The following NRCAM variants were observed in gnomAD, a reference collection of about 807,000 sequenced individuals.
NRCAM encodes neuronal cell adhesion molecule.
Under a neutral mutation model 156.5 loss-of-function variants are expected in NRCAM, and 83 were observed. The observed-to-expected ratio is 0.53, with a 90% CI of 0.44 to 0.64. NRCAM has a LOEUF of 0.64. Among genes scored for constraint, NRCAM ranks in the 30% least tolerant of loss-of-function variants. The pLI, the probability that NRCAM is intolerant of heterozygous loss-of-function variation, is 0.00. For missense variants in NRCAM, 1,417 were observed against 1,597.3 expected, an observed-to-expected ratio of 0.89 and a Z score of 1.92; for synonymous variants, 538 against 563.9, an observed-to-expected ratio of 0.95 and a Z score of 0.65.
chr7:108,187,029 T>A (rs1018820913), intron 20 of NRCAM, among the ~76,000 whole-genome samples: 1 of 128,008 alleles, frequency 7.8e-6, no homozygotes, highest in Non-Finnish European at 1.7e-5. Flanking sequence ...AAGTTAAAAC[T>A]TTAAAATTAT....
At chr7:108,215,911 T>C (rs1414718035) in intron 11 of NRCAM, among the ~76,000 whole-genome samples, 3 of 152,336 alleles carry the variant, frequency 2.0e-5, no homozygotes, top group East Asian at 3.9e-4. Flanking sequence ...GCCCTTTACA[T>C]TTAAGGTTAA....
At chr7:108,243,038 AG>A (rs1489539924) in intron 3 of NRCAM, 1 of 152,230 alleles carries the variant, frequency 6.6e-6, no homozygotes, top group African/African-American at 2.4e-5. Flanking sequence ...AAAAATTGAA[AG>A]CACTTACTTA....
intron 1 of NRCAM, among the ~76,000 whole-genome samples, chr7:108,415,511 G>T (rs372469583): frequency 9.9e-5 from 15 of 152,184 alleles, no homozygotes; most frequent in African/African-American, 3.6e-4. Flanking sequence ...GGCATGGCAG[G>T]AAAGAAGCAT....
intron 3 of NRCAM, among the ~76,000 whole-genome samples, chr7:108,255,834 G>A (rs1173543029): frequency 1.3e-5 from 2 of 151,930 alleles, no homozygotes; most frequent in Non-Finnish European, 2.9e-5. Flanking sequence ...TCTGAGAAGT[G>A]AGGAGCCCCT....
chr7:108,425,404 A>G (rs1230307626), intron 1 of NRCAM, among the ~76,000 whole-genome samples: 9 of 152,210 alleles, frequency 5.9e-5, no homozygotes, highest in Non-Finnish European at 1.3e-4. Context: ...ATGACTCTGC[A>G]AAGTGGGAAT....
intron 2 of NRCAM, among the ~76,000 whole-genome samples, chr7:108,378,690 A>ACACACACACACACAC (rs2099687482): frequency 1.1e-5 from 1 of 94,838 alleles, no homozygotes; most frequent in Non-Finnish European, 2.5e-5. Flanking sequence ...CACACACACA[A>ACACACACACACACAC]ACTCCAAGAC....
intron 2 of NRCAM, among the ~76,000 whole-genome samples, chr7:108,317,661 G>A (rs1479959732): frequency 6.6e-6 from 1 of 152,150 alleles, no homozygotes; most frequent in Admixed American, 6.6e-5. Context: ...TGTAATCCTA[G>A]CACTTTGGGA....
chr7:108,159,522 G>T lies in NRCAM; in HGVS notation c.3618C>A (p.Ala1206=). The change falls in exon 32 of 33, where the codon GCC becomes GCA. Residue 1206 remains alanine, a synonymous_variant. Transcript: ENST00000379028. ...TAGGCTGGATTTCAGGGTCAGCATG[G>T]GCATCTTCCTTTTCTTTAACTAAAA... ...GKYPVKEKED[A]HADPEIQPMK... 6.2e-7 allele frequency: 1 copy of T among 1,613,168 alleles called. No homozygotes were observed. Among genetic ancestry groups the T allele is most frequent in the Non-Finnish European group, 8.5e-7 (1 of 1,179,380 alleles).
intron 3 of NRCAM, among the ~76,000 whole-genome samples, chr7:108,282,884 G>A (rs1057236934): frequency 7.9e-5 from 12 of 152,190 alleles, no homozygotes; most frequent in African/African-American, 1.4e-4. Context: ...GCCGCCTGGG[G>A]AGATTTGAAG....
At chr7:108,368,241 C>CCCG (rs2099606092) in intron 2 of NRCAM, among the ~76,000 whole-genome samples, 4 of 134,264 alleles carry the variant, frequency 3.0e-5, no homozygotes, top group African/African-American at 1.1e-4. Flanking sequence ...CCCACCCCCC[C>CCCG]GCCTGCTCAC....
intron 11 of NRCAM, 115 bp downstream of exon 11, chr7:108,223,610 G>T: frequency 4.1e-6 from 2 of 486,994 alleles, no homozygotes; most frequent in Non-Finnish European, 7.2e-6. Context: ...TTTTCTTGAT[G>T]CTTGCTAGAA....
intron 2 of NRCAM, among the ~76,000 whole-genome samples, chr7:108,350,478 T>C (rs541560761): frequency 1.3e-5 from 2 of 152,240 alleles, no homozygotes; most frequent in Non-Finnish European, 2.9e-5. Context: ...AATGGCAGTT[T>C]GTATATAAAT....
chr7:108,446,128 C>G (rs1296335696), intron 1 of NRCAM, among the ~76,000 whole-genome samples: 3 of 152,278 alleles, frequency 2.0e-5, no homozygotes, highest in Non-Finnish European at 2.9e-5. Flanking sequence ...CTGGAATCAT[C>G]TGCCATTAGC....
rs1218282842 is a variant in NRCAM at position 108,338,339 on chromosome 7, CTT to C, written c.-173-25610_-173-25609del. 2.0e-5 allele frequency among the ~76,000 whole-genome samples: 3 copies of C among 152,312 alleles called. No homozygotes were observed. The East Asian group carries it at 5.8e-4, about 29-fold the overall frequency. Reference sequence around the variant, plus strand: ...GCCTCCTAGGTGCTAATGGTTCAGACTTTCATTTCCTCTAGCAAGTTGTATCT... The same window carrying C: ...GCCTCCTAGGTGCTAATGGTTCAGACTCATTTCCTCTAGCAAGTTGTATCT... On this transcript the variant is annotated intron_variant, in intron 2 of 32. Coordinates refer to ENST00000379028, the MANE Select transcript of NRCAM (RefSeq NM_001037132.4).
At chr7:108,357,864 G>C (rs987322829) in intron 2 of NRCAM, among the ~76,000 whole-genome samples, 5 of 152,118 alleles carry the variant, frequency 3.3e-5, no homozygotes, top group Non-Finnish European at 7.4e-5. Flanking sequence ...GGTCTATTTG[G>C]AGAGGGAAAG....
chr7:108,268,737 T>C (rs1410143722), intron 3 of NRCAM, among the ~76,000 whole-genome samples: 1 of 151,942 alleles, frequency 6.6e-6, no homozygotes, highest in Non-Finnish European at 1.5e-5. Context: ...ACAGTGTTAG[T>C]GTAAATTCAG....
chr7:108,307,093 GATA>G (rs2098726891), intron 3 of NRCAM, among the ~76,000 whole-genome samples: 2 of 152,126 alleles, frequency 1.3e-5, no homozygotes, highest in African/African-American at 4.8e-5. Flanking sequence ...TCTGTCAGAT[GATA>G]ATATGTCTGT....
At chr7:108,269,164 G>GAA (rs563265399) in intron 3 of NRCAM, among the ~76,000 whole-genome samples, 4 of 105,866 alleles carry the variant, frequency 3.8e-5, no homozygotes, top group South Asian at 2.9e-4. Flanking sequence ...TGCTGTATTT[G>GAA]AAAAAAAAAA....
At chr7:108,238,076 T>C (rs1335153261) in intron 4 of NRCAM, among the ~76,000 whole-genome samples, 1 of 152,202 alleles carries the variant, frequency 6.6e-6, no homozygotes, top group Admixed American at 6.5e-5. Flanking sequence ...ATATGTTGTG[T>C]TGGACAAGTA....
Sources: allele counts gnomAD v4.1 joint callset (sites outside exome capture counted in the v4.1 genomes callset), GRCh38; gene constraint gnomAD v4.1.1; transcripts MANE v1.5; gene names NCBI Gene and HGNC (gene_info 2026-07-23, HGNC 2026-07-21).